TOMM70: variants seen among roughly 807,000 people sequenced by gnomAD.
The protein encoded by TOMM70 is translocase of outer mitochondrial membrane 70, also known as mitochondrial import receptor subunit TOM70.
A neutral mutation model predicts 73.6 loss-of-function variants in TOMM70; 13 were observed. That is an observed-to-expected ratio of 0.18 (90% CI 0.11 to 0.28). TOMM70 has a LOEUF of 0.28. Among genes scored for constraint, TOMM70 ranks in the 10% least tolerant of loss-of-function variants. The pLI is 1.00. For missense variants in TOMM70, 609 were observed against 747.5 expected, an observed-to-expected ratio of 0.81 and a Z score of 2.16; for synonymous variants, 257 against 271.2, an observed-to-expected ratio of 0.95 and a Z score of 0.51.
rs141227349 is a variant in TOMM70, at chr3:100,376,369, G to GTTTTTTTTT, written c.1093-1226_1093-1218dup. On this transcript the variant is annotated intron_variant, in intron 6 of 11. Coordinates refer to ENST00000284320, the MANE Select transcript of TOMM70 (RefSeq NM_014820.5). ...CTTGATGGTGTCTTTTCACACAGAA[G>GTTTTTTTTT]TTTTTTTTTTTTTTTGAGACAGGAT... Among the ~76,000 whole-genome samples the GTTTTTTTTT allele has an allele frequency of 2.8e-3, 340 of 121,720 alleles. 26 individuals are homozygous for GTTTTTTTTT. In the East Asian group the frequency reaches 0.045, roughly 16 times the overall value. The allele number at this position is 121,720 out of a possible 152,430, so 79.9% of individuals were successfully genotyped here.
At chr3:100,379,519 G>A (rs992125593) in intron 5 of TOMM70, among the ~76,000 whole-genome samples, 2 of 152,118 alleles carry the variant, frequency 1.3e-5, no homozygotes, top group Non-Finnish European at 2.9e-5. Flanking sequence ...TCCCAGCTAC[G>A]CAAGACATTG....
rs1319950817 is a variant in TOMM70 at position 100,381,631 on chromosome 3, A to C, written c.868T>G (p.Leu290Val). 1 of 1,613,146 alleles carries C rather than the reference A, an allele frequency of 6.2e-7. No homozygotes were observed. The highest frequency in any genetic ancestry group is 8.5e-7 in the Non-Finnish European group (1 of 1,179,474). Residue 290 changes from leucine to valine, a missense_variant, in exon 5 of 12, where the codon TTA becomes GTA. Coordinates refer to ENST00000284320, the MANE Select transcript of TOMM70 (RefSeq NM_014820.5). ...CATACTTACTTTTCTTTCACTTCTA[A>C]AGCCTCCCCTTCCTTGTCTTTATCT... The part of the protein sequence containing the change: ...DEDKDKEGEA[L>V]EVKENSGYLK...
rs554078629 is a variant in TOMM70, at chr3:100,389,069, T to C, written c.325-2091A>G. Among the ~76,000 whole-genome samples the C allele has an allele frequency of 1.6e-4, 25 of 152,048 alleles. 1 individual carries two copies. In the South Asian group the frequency reaches 5.2e-3, roughly 32 times the overall value. On this transcript the variant is annotated intron_variant, in intron 1 of 11. Coordinates refer to ENST00000284320, the MANE Select transcript of TOMM70 (RefSeq NM_014820.5). The stretch of plus-strand genomic sequence containing the variant: ...AAGGAATTGGAGAAATTCTCGGAGT[T>C]GAAGAAAAATGACATGCATTTTTAG...
intron 6 of TOMM70, among the ~76,000 whole-genome samples, chr3:100,376,030 T>C (rs577477665): frequency 2.0e-5 from 3 of 152,302 alleles, no homozygotes; most frequent in South Asian, 4.1e-4. Context: ...AAAACACTTA[T>C]TATTGTCCAA....
At chr3:100,400,283 A>C (rs1706877753) in intron 1 of TOMM70, among the ~76,000 whole-genome samples, 1 of 152,162 alleles carries the variant, frequency 6.6e-6, no homozygotes, top group African/African-American at 2.4e-5. Flanking sequence ...ACGATGTACC[A>C]ATTGTTAATC....
At chr3:100,395,398 C>CA (rs1201080462) in intron 1 of TOMM70, among the ~76,000 whole-genome samples, 2 of 150,860 alleles carry the variant, frequency 1.3e-5, no homozygotes, top group Non-Finnish European at 3.0e-5. Flanking sequence ...CCAAAACAAA[C>CA]AAACAAAAAA....
chr3:100,367,862 A>AT (rs1310407069), intron 11 of TOMM70, among the ~76,000 whole-genome samples, 182 bp downstream of exon 11: 1 of 152,132 alleles, frequency 6.6e-6, no homozygotes, highest in Non-Finnish European at 1.5e-5. Context: ...GAGGGTCCAG[A>AT]TTTTCTGGCA....
intron 3 of TOMM70, among the ~76,000 whole-genome samples, chr3:100,385,552 G>C (rs1005968794): frequency 6.6e-6 from 1 of 152,166 alleles, no homozygotes; most frequent in Admixed American, 6.5e-5. Flanking sequence ...CTTTGGTTTT[G>C]CTTCATGTCA....
chr3:100,384,446 T>G (rs1472026025), intron 4 of TOMM70, 33 bp downstream of exon 4: 1 of 1,488,778 alleles, frequency 6.7e-7, no homozygotes, highest in Non-Finnish European at 9.2e-7. Context: ...ATGTACACAG[T>G]ACTCCCCCAT....
chr3:100,374,963 A>T (rs1445758599), intron 7 of TOMM70, 55 bp downstream of exon 7: 2 of 1,452,284 alleles, frequency 1.4e-6, no homozygotes, highest in Non-Finnish European at 1.8e-6. Context: ...ATTCTCAAAA[A>T]TGGTATCAAA....
intron 5 of TOMM70, among the ~76,000 whole-genome samples, chr3:100,378,874 G>A (rs947012721): frequency 2.0e-5 from 3 of 152,184 alleles, no homozygotes; most frequent in Admixed American, 6.5e-5. Flanking sequence ...AGGCGTGGTG[G>A]CGGGTGCCTA....
chr3:100,368,486 C>G (rs1706471842), intron 10 of TOMM70, among the ~76,000 whole-genome samples: 1 of 152,148 alleles, frequency 6.6e-6, no homozygotes, highest in African/African-American at 2.4e-5. Context: ...CTTGTGTATG[C>G]TTCGTATTTG....
rs71752325 is a variant in TOMM70, at chr3:100,387,599, GACACACACACACACACAC to G, written c.325-639_325-622del. The stretch of plus-strand genomic sequence containing the variant: ...GCTAAAAGACACAGACACAGACACA[GACACACACACACACACAC>G]ACACACACACACACACACGTATATA... On this transcript the variant is annotated intron_variant, in intron 1 of 11. Coordinates refer to ENST00000284320, the MANE Select transcript of TOMM70 (RefSeq NM_014820.5). Among the ~76,000 whole-genome samples, 4 of 118,216 alleles carry G rather than the reference GACACACACACACACACAC, an allele frequency of 3.4e-5. No homozygotes were observed. In the Admixed American group the frequency reaches 3.7e-4, roughly 11 times the overall value. The allele number at this position is 118,216 out of a possible 152,430, so 77.6% of individuals were successfully genotyped here. A position where few individuals can be genotyped will look rare whatever the true frequency, so the allele number is the denominator to read the frequency against.
At chr3:100,386,472 A>G (rs950900212) in intron 2 of TOMM70, 128 bp from the exon 3 acceptor site, 1 of 969,914 alleles carries the variant, frequency 1.0e-6, no homozygotes, top group African/African-American at 1.7e-5. Flanking sequence ...CAAAGAGTTA[A>G]TATCTGCAAT....
chr3:100,373,961 A>C (rs1004943720), intron 7 of TOMM70, among the ~76,000 whole-genome samples: 23 of 152,250 alleles, frequency 1.5e-4, no homozygotes, highest in African/African-American at 5.5e-4. Context: ...AAAGCAGGTT[A>C]GACATCAGAT....
At position 100,400,673 on chromosome 3, in the gene TOMM70, C is replaced by CCGGACTGGCCCTGCCCTCCGGGGT; in HGVS notation, c.253_276dup (p.Thr85_Pro92dup). On this transcript the variant is annotated inframe_insertion, in exon 1 of 12. Transcript: ENST00000284320. ...CCTTCAGGGTGTCCGCTGCCCGGGG[C>CCGGACTGGCCCTGCCCTCCGGGGT]CGGACTGGCCCTGCCCTCCGGGGTC... 6.2e-7 allele frequency: 1 copy of CCGGACTGGCCCTGCCCTCCGGGGT among 1,612,392 alleles called. No individual in the cohort carries two copies. Among genetic ancestry groups the CCGGACTGGCCCTGCCCTCCGGGGT allele is most frequent in the Non-Finnish European group, 8.5e-7 (1 of 1,179,750 alleles).
chr3:100,379,054 A>G (rs546071684), intron 5 of TOMM70, among the ~76,000 whole-genome samples: 2 of 151,876 alleles, frequency 1.3e-5, no homozygotes, highest in African/African-American at 2.4e-5. Flanking sequence ...AACTTACTAA[A>G]GAAGCAAATT....
At chr3:100,367,802 G>A (rs1706462153) in intron 11 of TOMM70, among the ~76,000 whole-genome samples, 1 of 152,226 alleles carries the variant, frequency 6.6e-6, no homozygotes, top group South Asian at 2.1e-4. Flanking sequence ...CAGGGGCTCT[G>A]AGTTGATGTT....
intron 1 of TOMM70, among the ~76,000 whole-genome samples, chr3:100,390,539 A>G (rs2148893836): frequency 6.6e-6 from 1 of 152,230 alleles, no homozygotes; most frequent in African/African-American, 2.4e-5. Context: ...AGTATAGCAT[A>G]TATTGGGGCC....
Sources: allele counts gnomAD v4.1 joint callset (sites outside exome capture counted in the v4.1 genomes callset), GRCh38; gene constraint gnomAD v4.1.1; transcripts MANE v1.5; gene names NCBI Gene and HGNC (gene_info 2026-07-23, HGNC 2026-07-21).